The following PTCH2 variants were observed in gnomAD, a reference collection of about 807,000 sequenced individuals.
PTCH2 encodes the protein patched 2.
Under a neutral mutation model 117.9 loss-of-function variants are expected in PTCH2, and 96 were observed. That is an observed-to-expected ratio of 0.81 (90% CI 0.69 to 0.96). PTCH2 has a LOEUF of 0.96. Among genes scored for constraint, PTCH2 ranks in the 50% least tolerant of loss-of-function variants. PTCH2 has a pLI of 0.00. For missense variants in PTCH2, 1,379 were observed against 1,562.5 expected (o/e 0.88, Z 1.98); for synonymous variants, 615 against 660.9 (o/e 0.93, Z 1.06).
chr1:44,826,594 T>C lies in PTCH2; in HGVS notation c.2870A>G (p.Tyr957Cys). 6.2e-7 allele frequency: 1 copy of C among 1,613,330 alleles called. No homozygotes were observed. The highest frequency in any genetic ancestry group is 1.3e-5 in the African/African-American group (1 of 75,018). Residue 957 changes from tyrosine to cysteine, a missense_variant, in exon 18 of 22, where the codon TAT (tyrosine) becomes TGT (cysteine). By Grantham distance (194) the Tyr-to-Cys change is radical. Coordinates refer to ENST00000372192, the MANE Select transcript of PTCH2 (RefSeq NM_003738.5). The surrounding 1 kb of genome is among the most constrained non-coding windows in gnomAD (Gnocchi z 5.1). ...SGSPFLFWEQYLGLRRCFLLA... is the reference protein window; with the variant it reads ...SGSPFLFWEQCLGLRRCFLLA... ...CAGGAAGCAGCGCCGCAGGCCCAGATACTGTTCCCAGAAGAGGAAGGGGGA... is the reference window on the plus strand; with the variant it reads ...CAGGAAGCAGCGCCGCAGGCCCAGACACTGTTCCCAGAAGAGGAAGGGGGA...
In PTCH2 at chr1:44,826,539, A is replaced by G. The variant is rs779024796; in HGVS notation, c.2925T>C (p.Thr975=). 6.2e-7 allele frequency: 1 copy of G among 1,613,794 alleles called. No homozygotes were observed. Among genetic ancestry groups the G allele is most frequent in the South Asian group, 1.1e-5 (1 of 91,078 alleles). The change falls in exon 18 of 22, where the codon ACT becomes ACC. Residue 975 remains threonine (T), a synonymous_variant. Coordinates refer to ENST00000372192, the MANE Select transcript of PTCH2 (RefSeq NM_003738.5). This position sits in a 1 kb window ranked among gnomAD's most constrained non-coding sequence, Gnocchi z 5.1. ...LLAVCILLVC[T]FLVCALLLLN... ...GGAGCAGCAGAGCACAGACGAGGAA[A>G]GTGCACACCAGCAGGATGCAGACGG...
chr1:44,842,903 C>G lies in PTCH2; in HGVS notation c.30G>C (p.Leu10=). The G allele has an allele frequency of 1.3e-6, 2 of 1,550,058 alleles. No individual in the cohort carries two copies. Among genetic ancestry groups the G allele is most frequent in the Non-Finnish European group, 1.7e-6 (2 of 1,146,266 alleles). ...GAGCTGGGGGTGTGTAACTCGGGGGCAGCTCTCTGAGGGGCGGCGATCGAG... is the reference window on the plus strand; with the variant it reads ...GAGCTGGGGGTGTGTAACTCGGGGGGAGCTCTCTGAGGGGCGGCGATCGAG... MTRSPPLRE[L]PPSYTPPART... is the part of the protein sequence containing the mutation. The change falls in exon 1 of 22, where the codon CTG becomes CTC. Residue 10 remains leucine, a synonymous_variant. Coordinates refer to ENST00000372192, the MANE Select transcript of PTCH2 (RefSeq NM_003738.5).
At chr1:44,839,489 TA>T (rs1653847808) in intron 2 of PTCH2, among the ~76,000 whole-genome samples, 1 of 151,212 alleles carries the variant, frequency 6.6e-6, no homozygotes, top group Admixed American at 6.6e-5. Context: ...CATCCTCTTA[TA>T]AAACCCTCCC....
rs759765792 is a variant in PTCH2 at position 44,828,417 on chromosome 1, G to C, written c.1591-3C>G. 1.2e-6 allele frequency: 2 copies of C among 1,614,134 alleles called. No homozygotes were observed. Among genetic ancestry groups the C allele is most frequent in the South Asian group, 1.1e-5 (1 of 91,080 alleles). On this transcript the variant is annotated splice_polypyrimidine_tract_variant and splice_region_variant and intron_variant, in intron 12 of 21. Transcript: ENST00000372192. Reference sequence around the variant, plus strand: ...GTGCAGCCAACCACTATGGCCGCCTGGGGGACGGACAGGAGGGGAATGAAG... The same window carrying C: ...GTGCAGCCAACCACTATGGCCGCCTCGGGGACGGACAGGAGGGGAATGAAG...
downstream of PTCH2, chr1:44,819,905 C>A (rs745579203): frequency 5.2e-5 from 8 of 153,194 alleles, no homozygotes; most frequent in South Asian, 1.6e-3. Flanking sequence ...TAAGAGGCCT[C>A]AAAAAATTGA....
At chr1:44,830,809 G>A in intron 6 of PTCH2, 39 bp downstream of exon 6, 1 of 1,505,454 alleles carries the variant, frequency 6.6e-7, no homozygotes, top group Non-Finnish European at 8.9e-7. Context: ...GAAAGGGAAG[G>A]AAAACAGCCT....
At chr1:44,839,113 G>A (rs1284687414) in intron 2 of PTCH2, among the ~76,000 whole-genome samples, 6 of 152,022 alleles carry the variant, frequency 3.9e-5, no homozygotes, top group Non-Finnish European at 8.8e-5. Context: ...TCTGGCTCAG[G>A]CCTGTAATCC....
intron 2 of PTCH2, among the ~76,000 whole-genome samples, chr1:44,836,588 C>G (rs916408667): frequency 3.3e-5 from 5 of 152,012 alleles, no homozygotes; most frequent in African/African-American, 1.2e-4. Context: ...ACCTGTAATC[C>G]CAGCTACTGA....
chr1:44,823,887 G>A lies in PTCH2; in HGVS notation c.3115-502C>T, dbSNP rs1036644447. Among the ~76,000 whole-genome samples the A allele has an allele frequency of 6.6e-6, 1 of 152,054 alleles. No individual in the cohort carries two copies. Among genetic ancestry groups the A allele is most frequent in the Non-Finnish European group, 1.5e-5 (1 of 68,020 alleles). On this transcript the variant is annotated intron_variant, in intron 19 of 21. Transcript: ENST00000372192. The surrounding 1 kb of genome is among the most constrained non-coding windows in gnomAD (Gnocchi z 5.1). ...CAGGAGGTGGAGGTTGCAGTGAACC[G>A]AGATTGCACTGCTACACTCCAGCCT...
In PTCH2 at chr1:44,826,899, C is replaced by T. The variant is rs766671721; in HGVS notation, c.2695+3G>A. On this transcript the variant is annotated splice_donor_region_variant and intron_variant, in intron 17 of 21. Transcript: ENST00000372192. The surrounding 1 kb of genome is among the most constrained non-coding windows in gnomAD (Gnocchi z 5.1). ...CTCTTGCCGAGCTCCCCCCAAGACT[C>T]ACTGCGAAGGTTCTCCCCCGTGGTG... The T allele has an allele frequency of 5.6e-6, 9 of 1,614,006 alleles. 1 individual carries two copies. The Middle Eastern group carries it at 9.9e-4, about 177-fold the overall frequency.
chr1:44,822,186 G>C lies in PTCH2; in HGVS notation c.*229C>G. Reference sequence around the variant, plus strand: ...ACAGGGCTGCACTGCAGCCCCAAGTGCCAGCTTTCACTCTCAAGTGACACA... The same window carrying C: ...ACAGGGCTGCACTGCAGCCCCAAGTCCCAGCTTTCACTCTCAAGTGACACA... On this transcript the variant is annotated 3_prime_UTR_variant, in exon 22 of 22. Coordinates refer to ENST00000372192, the MANE Select transcript of PTCH2 (RefSeq NM_003738.5). The C allele has an allele frequency of 7.0e-7, 1 of 1,436,080 alleles. No individual in the cohort carries two copies. The allele number at this position is 1,436,080 out of a possible 1,614,324, so 89.0% of individuals were successfully genotyped here. A position where few individuals can be genotyped will look rare whatever the true frequency, so the allele number is the denominator to read the frequency against.
rs536602258 is a variant in PTCH2, at chr1:44,842,226, G to C, written c.73-187C>G. On this transcript the variant is annotated intron_variant, in intron 1 of 21. Coordinates refer to ENST00000372192, the MANE Select transcript of PTCH2 (RefSeq NM_003738.5). ...CACCCACCATCCCCAGCACACACCT[G>C]AGGAAGGCATAGGCCTATTTTCCTT... 8.6e-5 allele frequency among the ~76,000 whole-genome samples: 13 copies of C among 151,844 alleles called. No individual in the cohort carries two copies. The South Asian group carries it at 2.1e-3, about 24-fold the overall frequency.
intron 2 of PTCH2, among the ~76,000 whole-genome samples, chr1:44,836,983 A>C (rs1410851611): frequency 6.6e-6 from 1 of 152,138 alleles, no homozygotes; most frequent in Non-Finnish European, 1.5e-5. Context: ...AAAGAAATGC[A>C]AGACAAGAAT....
In PTCH2 at chr1:44,827,616, C is replaced by A; in HGVS notation, c.2157G>T (p.Arg719=). ...TCAGGAAGGCATGCTCCTTGGTGCC[C>A]CGAGGCACCACATCCGTCAGGGCCA... ...DGLALTDVVP[R]GTKEHAFLSA... The change falls in exon 15 of 22, where the codon CGG becomes CGT. Residue 719 remains arginine (R), a synonymous_variant. Coordinates refer to ENST00000372192, the MANE Select transcript of PTCH2 (RefSeq NM_003738.5). The A allele has an allele frequency of 6.2e-7, 1 of 1,613,768 alleles. No individual in the cohort carries two copies. Among genetic ancestry groups the A allele is most frequent in the Non-Finnish European group, 8.5e-7 (1 of 1,179,964 alleles).
chr1:44,830,818 C>G, intron 6 of PTCH2, 30 bp downstream of exon 6: 2 of 1,514,084 alleles, frequency 1.3e-6, no homozygotes, highest in Non-Finnish European at 1.8e-6. Flanking sequence ...GGAAAACAGC[C>G]TTTCCCTGGC....
At chr1:44,825,206 G>A (rs986914968) in intron 19 of PTCH2, among the ~76,000 whole-genome samples, 9 of 150,198 alleles carry the variant, frequency 6.0e-5, no homozygotes, top group Admixed American at 6.6e-5. Flanking sequence ...GCATGGTCTC[G>A]GCTCATGGCA....
chr1:44,828,531 G>A lies in PTCH2; in HGVS notation c.1565C>T (p.Pro522Leu), dbSNP rs1490974921. ...AFLMAALVPI[P>L]ALRAFSLQAA... The stretch of plus-strand genomic sequence containing the variant: ...CTGTAGGGAGAAGGCTCGCAGCGCA[G>A]GGATGGGAACGAGGGCAGCCATGAG... The change falls in exon 12 of 22, where the codon CCT becomes CTT. Residue 522 changes from proline (P) to leucine (L), a missense_variant. Coordinates refer to ENST00000372192, the MANE Select transcript of PTCH2 (RefSeq NM_003738.5). 8.1e-6 allele frequency: 13 copies of A among 1,614,180 alleles called. No homozygotes were observed. The highest frequency in any genetic ancestry group is 1.0e-5 in the Non-Finnish European group (12 of 1,180,042).
At chr1:44,835,507 C>T (rs1000519716) in intron 2 of PTCH2, among the ~76,000 whole-genome samples, 4 of 152,156 alleles carry the variant, frequency 2.6e-5, no homozygotes, top group Non-Finnish European at 4.4e-5. Flanking sequence ...TGATGGCACT[C>T]GTTGCTGGTT....
chr1:44,826,363 C>A lies in PTCH2; in HGVS notation c.3001G>T (p.Val1001Leu). Reference protein sequence around the residue: ...LIVLVLAMMTVELFGIMGFLG... With the variant: ...LIVLVLAMMTLELFGIMGFLG... ...AAACCCATGATACCAAAGAGTTCCA[C>A]TGTCATCATCGCCAGGACCAGCACC... Residue 1001 changes from valine (V) to leucine (L), a missense_variant, in exon 19 of 22, where the codon GTG (valine) becomes TTG (leucine). Val to Leu is a conservative substitution (Grantham distance 32). Transcript: ENST00000372192. This position sits in a 1 kb window ranked among gnomAD's most constrained non-coding sequence, Gnocchi z 5.1. The A allele has an allele frequency of 6.2e-7, 1 of 1,614,168 alleles. No homozygotes were observed. Among genetic ancestry groups the A allele is most frequent in the Non-Finnish European group, 8.5e-7 (1 of 1,180,038 alleles).
Sources: allele counts gnomAD v4.1 joint callset (sites outside exome capture counted in the v4.1 genomes callset), GRCh38; gene constraint gnomAD v4.1.1; non-coding constraint Gnocchi (gnomAD v3.1); transcripts MANE v1.5; gene names NCBI Gene and HGNC (gene_info 2026-07-23, HGNC 2026-07-21).